Variants in GGACT observed in about 807,000 individuals in gnomAD.
GGACT encodes gamma-glutamylamine cyclotransferase, also known as gamma-glutamylaminecyclotransferase.
For missense variants in GGACT, 241 were observed against 233.2 expected (o/e 1.03, Z -0.22); for synonymous variants, 118 against 115.3 (o/e 1.02, Z -0.15).
intron 2 of GGACT, among the ~76,000 whole-genome samples, chr13:100,548,759 C>A (rs1471847769): frequency 6.6e-6 from 1 of 152,220 alleles, no homozygotes. Flanking sequence ...CAAAGCCACA[C>A]TCCTGTCAAA....
intron 2 of GGACT, among the ~76,000 whole-genome samples, chr13:100,577,339 C>A (rs1875276870): frequency 6.6e-6 from 1 of 151,586 alleles, no homozygotes; most frequent in Admixed American, 6.6e-5. Context: ...TCACTTGAAC[C>A]CAAGAGGCAG....
intron 2 of GGACT, chr13:100,536,549 T>C (rs2153012466): frequency 6.6e-6 from 1 of 152,090 alleles, no homozygotes; most frequent in Non-Finnish European, 1.5e-5. Context: ...GCTCAATATA[T>C]ATATATTTTT....
At chr13:100,566,729 G>C (rs1874898261) in intron 2 of GGACT, among the ~76,000 whole-genome samples, 1 of 152,212 alleles carries the variant, frequency 6.6e-6, no homozygotes, top group South Asian at 2.1e-4. Flanking sequence ...ACACAGTCAT[G>C]TCTGTTTCCC....
chr13:100,564,208 G>C (rs543513640), intron 2 of GGACT, among the ~76,000 whole-genome samples: 2 of 152,354 alleles, frequency 1.3e-5, no homozygotes, highest in Admixed American at 1.3e-4. Flanking sequence ...CGATTCTGGT[G>C]ATTACCCTTT....
chr13:100,535,971 C>T (rs2088486302), intron 2 of GGACT: 1 of 152,124 alleles, frequency 6.6e-6, no homozygotes, highest in African/African-American at 2.4e-5. Context: ...ATTCCTGTCC[C>T]GTCCTCTGGC....
At chr13:100,550,161 C>T (rs1165830754) in intron 2 of GGACT, among the ~76,000 whole-genome samples, 2 of 152,128 alleles carry the variant, frequency 1.3e-5, no homozygotes, top group Non-Finnish European at 1.5e-5. Flanking sequence ...CGTGAACGCA[C>T]GGCCGGCCAC....
rs2153013486 is a variant in GGACT at position 100,545,832 on chromosome 13, G to A, written c.-10-13231C>T. Among the ~76,000 whole-genome samples the A allele has an allele frequency of 6.6e-6, 1 of 152,308 alleles. No homozygotes were observed. Among genetic ancestry groups the A allele is most frequent in the East Asian group, 1.9e-4 (1 of 5,178 alleles). Reference sequence around the variant, plus strand: ...AGCAGAACCTGTTCCCCCTACAGAAGGAAGTAAGGGTTCGGAGAATTCAGA... The same window carrying A: ...AGCAGAACCTGTTCCCCCTACAGAAAGAAGTAAGGGTTCGGAGAATTCAGA... On this transcript the variant is annotated intron_variant, in intron 2 of 2. Coordinates refer to ENST00000683975, the MANE Select transcript of GGACT (RefSeq NM_001195087.2). The surrounding 1 kb of genome is among the most constrained non-coding windows in gnomAD (Gnocchi z 4.4).
intron 2 of GGACT, among the ~76,000 whole-genome samples, chr13:100,562,210 T>G (rs1409497053): frequency 6.6e-6 from 1 of 152,182 alleles, no homozygotes; most frequent in South Asian, 2.1e-4. Flanking sequence ...CCCTGTCCAC[T>G]GCCTGTGTGG....
At chr13:100,546,361 CAAA>C (rs778470021) in intron 2 of GGACT, among the ~76,000 whole-genome samples, 3 of 54,618 alleles carry the variant, frequency 5.5e-5, no homozygotes, top group Non-Finnish European at 7.2e-5. Flanking sequence ...GACTCTGTCT[CAAA>C]AAAAAAAAAA....
intron 2 of GGACT, among the ~76,000 whole-genome samples, chr13:100,554,981 C>T (rs2088698557): frequency 5.3e-5 from 8 of 152,174 alleles, no homozygotes; most frequent in Admixed American, 2.6e-4. Flanking sequence ...CAAAAGGTCT[C>T]AAGTATCAAA....
intron 2 of GGACT, among the ~76,000 whole-genome samples, chr13:100,576,788 G>A (rs533103033): frequency 6.6e-6 from 1 of 152,290 alleles, no homozygotes; most frequent in African/African-American, 2.4e-5. Flanking sequence ...GCAGAATGAG[G>A]GAGGGTTTGT....
intron 2 of GGACT, among the ~76,000 whole-genome samples, chr13:100,542,981 T>G (rs1428808372): frequency 6.6e-6 from 1 of 152,160 alleles, no homozygotes; most frequent in Non-Finnish European, 1.5e-5. Flanking sequence ...CTGTTAGATT[T>G]TTTTCTTGAT....
chr13:100,540,082 GC>G, intron 2 of GGACT: 1 of 1,462,124 alleles, frequency 6.8e-7, no homozygotes, highest in East Asian at 2.3e-5. Flanking sequence ...GAAGACGCTC[GC>G]TTCAGAAATG....
chr13:100,585,983 A>AAAAAT (rs1236145905), intron 1 of GGACT, among the ~76,000 whole-genome samples: 1 of 152,094 alleles, frequency 6.6e-6, no homozygotes, highest in Admixed American at 6.6e-5. Context: ...TCCTGTCTCA[A>AAAAAT]AAAATAAAAT....
At chr13:100,571,701 G>A (rs1875086901) in intron 2 of GGACT, among the ~76,000 whole-genome samples, 1 of 152,134 alleles carries the variant, frequency 6.6e-6, no homozygotes. Context: ...TGTTCAGGGT[G>A]TTTCATCTCT....
intron 1 of GGACT, among the ~76,000 whole-genome samples, chr13:100,586,411 C>T (rs1030909983): frequency 2.0e-5 from 3 of 152,210 alleles, no homozygotes; most frequent in African/African-American, 7.2e-5. Context: ...AACAAACAAA[C>T]AAACAAAATC....
Position 100,545,441 on chromosome 13 carries a change from AC to A in GGACT, c.-10-12841del, listed in dbSNP as rs2088596089. ...CGTCCCAGGGCCCCTGGAGGAGGGC[AC>A]CCCCTCACTGCCCCCAAGCACTCCA... On this transcript the variant is annotated intron_variant, in intron 2 of 2. Transcript: ENST00000683975. This position sits in a 1 kb window ranked among gnomAD's most constrained non-coding sequence, Gnocchi z 4.4. Among the ~76,000 whole-genome samples, 2 of 151,538 alleles carry A rather than the reference AC, an allele frequency of 1.3e-5. No homozygotes were observed. The highest frequency in any genetic ancestry group is 4.9e-5 in the African/African-American group (2 of 41,216).
rs903392853 is a variant in GGACT at position 100,532,602 on chromosome 13, C to G, written c.-10-1G>C. 6.6e-7 allele frequency: 1 copy of G among 1,526,552 alleles called. No homozygotes were observed. The highest frequency in any genetic ancestry group is 8.8e-7 in the Non-Finnish European group (1 of 1,130,944). 94.6% of individuals were successfully genotyped at this position (1,526,552 alleles called of 1,614,324 possible). A position where few individuals can be genotyped will look rare whatever the true frequency, so the allele number is the denominator to read the frequency against. ...GAAGACTAGGGCCATCCGGGCAGAG[C>G]TGCAGGGAGAGGGGAAGTCACAGGT... On this transcript the variant is annotated splice_acceptor_variant, in intron 2 of 2. Transcript: ENST00000683975. LOFTEE classifies it low-confidence loss of function (5UTR_SPLICE).
At chr13:100,536,501 TTG>T (rs780471753) in intron 2 of GGACT, 95 of 151,780 alleles carry the variant, frequency 6.3e-4, no homozygotes, top group African/African-American at 2.1e-3. Flanking sequence ...ATTTTTCTTG[TTG>T]TGTGTTTTTT....
Sources: allele counts gnomAD v4.1 joint callset (sites outside exome capture counted in the v4.1 genomes callset), GRCh38; gene constraint gnomAD v4.1.1; non-coding constraint Gnocchi (gnomAD v3.1); transcripts MANE v1.5; gene names NCBI Gene and HGNC (gene_info 2026-07-23, HGNC 2026-07-21).